The following FKBP7 variants were observed in gnomAD, a reference collection of about 807,000 sequenced individuals.
FKBP7 encodes peptidyl-prolyl cis-trans isomerase FKBP7.
A neutral mutation model predicts 24.3 loss-of-function variants in FKBP7; 24 were observed. That is an observed-to-expected ratio of 0.99 (90% CI 0.72 to 1.39). The LOEUF (loss-of-function observed/expected upper bound fraction) is 1.39. FKBP7 is among the 40% of genes most tolerant of loss of function. FKBP7 has a pLI of 0.00. For synonymous variants in FKBP7, 98 were observed against 92.8 expected, an observed-to-expected ratio of 1.06 and a Z score of -0.32; for missense variants, 257 against 269.5, an observed-to-expected ratio of 0.95 and a Z score of 0.33.
In FKBP7 at chr2:178,465,098, C is replaced by A. The variant is rs746086259; in HGVS notation, c.*672G>T. On this transcript the variant is annotated 3_prime_UTR_variant, in exon 4 of 4. Coordinates refer to ENST00000424785, the MANE Select transcript of FKBP7 (RefSeq NM_181342.3). ...GAAGGAATACAAAAGCCAGGCAGTA[C>A]AGTCTTTATGCTTGCTATAAGAGGC... is the stretch of plus-strand genomic sequence containing the variant. The A allele has an allele frequency of 6.6e-6, 1 of 152,180 alleles. No individual in the cohort carries two copies. Among genetic ancestry groups the A allele is most frequent in the Non-Finnish European group, 1.5e-5 (1 of 68,042 alleles). 9.4% of individuals were successfully genotyped at this position (152,180 alleles called of 1,614,324 possible).
chr2:178,469,189 A>G (rs1684774401), intron 3 of FKBP7, among the ~76,000 whole-genome samples: 1 of 152,092 alleles, frequency 6.6e-6, no homozygotes, highest in African/African-American at 2.4e-5. Context: ...TTATTATTAC[A>G]AGATCTTTAT....
intron 2 of FKBP7, among the ~76,000 whole-genome samples, chr2:178,473,844 C>G (rs747735887): frequency 6.6e-6 from 1 of 152,238 alleles, no homozygotes; most frequent in African/African-American, 2.4e-5. Flanking sequence ...TTTTCCTTCT[C>G]TTTCTCCTAG....
chr2:178,477,045 A>G lies in FKBP7; in HGVS notation c.373+17T>C. ...TTAAATATAACTAAAACAAGAAATT[A>G]AAATTAAACATCTTACCATAGCCTT... On this transcript the variant is annotated intron_variant, in intron 2 of 3. Transcript: ENST00000424785. The G allele has an allele frequency of 6.5e-7, 1 of 1,548,970 alleles. No homozygotes were observed. The highest frequency in any genetic ancestry group is 2.3e-5 in the East Asian group (1 of 44,386).
intron 2 of FKBP7, among the ~76,000 whole-genome samples, chr2:178,474,490 A>T (rs1684947167): frequency 1.3e-5 from 2 of 152,210 alleles, no homozygotes. Context: ...TCCCAGGAAC[A>T]CTTAATGTCA....
rs992637590 is a variant in FKBP7 at position 178,478,564 on chromosome 2, C to A, written c.-65G>T. The A allele has an allele frequency of 1.3e-6, 2 of 1,594,132 alleles. No individual in the cohort carries two copies. The highest frequency in any genetic ancestry group is 2.7e-5 in the African/African-American group (2 of 74,202). On this transcript the variant is annotated 5_prime_UTR_variant, in exon 1 of 4. Coordinates refer to ENST00000424785, the MANE Select transcript of FKBP7 (RefSeq NM_181342.3). Reference sequence around the variant, plus strand: ...TCGCGCCCCGTGGATGTCCCGCGGCCGAGTTCCGACGCGTGGCAGGCGTTG... The same window carrying A: ...TCGCGCCCCGTGGATGTCCCGCGGCAGAGTTCCGACGCGTGGCAGGCGTTG...
chr2:178,476,401 T>C (rs1481054105), intron 2 of FKBP7, among the ~76,000 whole-genome samples: 1 of 152,206 alleles, frequency 6.6e-6, no homozygotes, highest in Non-Finnish European at 1.5e-5. Flanking sequence ...AATTTTCAAG[T>C]GTGTTGTTCA....
At chr2:178,472,324 C>T (rs1286833564) in intron 2 of FKBP7, among the ~76,000 whole-genome samples, 1 of 152,068 alleles carries the variant, frequency 6.6e-6, no homozygotes, top group Non-Finnish European at 1.5e-5. Flanking sequence ...AGCCACCCAC[C>T]TCGGCCTCCC....
Position 178,465,770 on chromosome 2 carries a change from C to A in FKBP7, c.669G>T (p.Ter223TyrextTer10). Residue 223 changes from the stop codon to tyrosine (Y), a stop_lost, in exon 4 of 4, where the codon TAG becomes TAT. Transcript: ENST00000424785. ...AAAAAAAAGTAGAAATACAAATATG[C>A]TATAGTTCATCGTGTTGGTATACAT... The part of the protein sequence containing the change: ...EYNVYQHDEL[*>Y] 1.9e-6 allele frequency: 3 copies of A among 1,567,260 alleles called. No homozygotes were observed. Among genetic ancestry groups the A allele is most frequent in the Non-Finnish European group, 1.7e-6 (2 of 1,161,424 alleles).
In FKBP7 at chr2:178,464,754, C is replaced by T. The variant is rs1020674805; in HGVS notation, c.*1016G>A. The T allele has an allele frequency of 3.9e-5, 6 of 152,212 alleles. No individual in the cohort carries two copies. The highest frequency in any genetic ancestry group is 1.4e-4 in the African/African-American group (6 of 41,452). The allele number at this position is 152,212 out of a possible 1,614,324, so 9.4% of individuals were successfully genotyped here. On this transcript the variant is annotated 3_prime_UTR_variant, in exon 4 of 4. Transcript: ENST00000424785. ...GTACCAACGTGATCTTCTACAGCAT[C>T]TCTTACATACTATTCTCAAGTCATA...
chr2:178,468,868 T>C (rs1031535169), intron 3 of FKBP7, among the ~76,000 whole-genome samples: 2 of 151,668 alleles, frequency 1.3e-5, no homozygotes, highest in South Asian at 4.1e-4. Flanking sequence ...TCTATTATTA[T>C]CTTTTTTTTT....
chr2:178,478,526 T>C lies in FKBP7; in HGVS notation c.-27A>G. The C allele has an allele frequency of 6.2e-7, 1 of 1,611,136 alleles. No individual in the cohort carries two copies. The highest frequency in any genetic ancestry group is 8.5e-7 in the Non-Finnish European group (1 of 1,178,828). On this transcript the variant is annotated 5_prime_UTR_variant, in exon 1 of 4. Coordinates refer to ENST00000424785, the MANE Select transcript of FKBP7 (RefSeq NM_181342.3). ...GGCTCCAGCAGAACACTGCTCTCCC[T>C]CCCGCGTGTCACTCGCGCCCCGTGG... is the stretch of plus-strand genomic sequence containing the variant.
intron 3 of FKBP7, among the ~76,000 whole-genome samples, chr2:178,466,902 A>G (rs1684678078): frequency 6.6e-6 from 1 of 152,162 alleles, no homozygotes; most frequent in Non-Finnish European, 1.5e-5. Context: ...TGAAAGCTAG[A>G]GTTTGAGAGG....
intron 2 of FKBP7, among the ~76,000 whole-genome samples, chr2:178,470,629 T>C (rs1282613749): frequency 6.6e-6 from 1 of 152,114 alleles, no homozygotes; most frequent in African/African-American, 2.4e-5. Flanking sequence ...TTTATAGACA[T>C]TAAAAAATAA....
intron 3 of FKBP7, among the ~76,000 whole-genome samples, chr2:178,468,869 CT>C (rs770408622): frequency 3.2e-3 from 464 of 143,340 alleles, no homozygotes; most frequent in Middle Eastern, 3.6e-3. Context: ...CTATTATTAT[CT>C]TTTTTTTTTT....
intron 2 of FKBP7, among the ~76,000 whole-genome samples, chr2:178,476,669 T>C (rs1381948685): frequency 6.6e-6 from 1 of 152,066 alleles, no homozygotes; most frequent in African/African-American, 2.4e-5. Flanking sequence ...TTGGTGCATG[T>C]CTCAGAATTT....
chr2:178,473,771 G>A (rs1684923286), intron 2 of FKBP7, among the ~76,000 whole-genome samples: 1 of 152,222 alleles, frequency 6.6e-6, no homozygotes, highest in African/African-American at 2.4e-5. Flanking sequence ...TTGCCTAGAA[G>A]TGGCCTCAAC....
At chr2:178,470,010 A>AT (rs969459385) in intron 2 of FKBP7, among the ~76,000 whole-genome samples, 17 of 143,268 alleles carry the variant, frequency 1.2e-4, no homozygotes, top group South Asian at 2.2e-4. Context: ...TTTTAGGAAT[A>AT]TTTTTTCCAT....
In FKBP7 at chr2:178,465,898, CT is replaced by C. The variant is rs759075755; in HGVS notation, c.540del (p.Asp181MetfsTer14). On this transcript the variant is annotated frameshift_variant, in exon 4 of 4. Coordinates refer to ENST00000424785, the MANE Select transcript of FKBP7 (RefSeq NM_181342.3). LOFTEE classifies it high-confidence loss of function. Reference protein sequence around the residue: ...INLYLQREFEKDEKPRDKSYQ... With the variant: ...INLYLQREFEXDEKPRDKSYQ... The stretch of plus-strand genomic sequence containing the variant: ...TATGACTTGTCACGTGGCTTCTCAT[CT>C]TTTTCAAATTCCCTTTGCAAGTAGA... 6.2e-7 allele frequency: 1 copy of C among 1,603,920 alleles called. No homozygotes were observed. The highest frequency in any genetic ancestry group is 2.2e-5 in the East Asian group (1 of 44,632).
intron 2 of FKBP7, among the ~76,000 whole-genome samples, chr2:178,476,714 A>ATTTTTTTTT (rs35360731): frequency 4.9e-5 from 6 of 122,532 alleles, no homozygotes; most frequent in Non-Finnish European, 3.4e-5. Context: ...ATTCCATTTC[A>ATTTTTTTTT]TTTTTTTTTT....
Sources: gnomAD v4.1 joint callset for allele counts (sites outside exome capture counted in the v4.1 genomes callset) on GRCh38, gnomAD v4.1.1 for gene constraint, MANE v1.5 for transcripts, NCBI Gene and HGNC (gene_info 2026-07-23, HGNC 2026-07-21) for gene names.